The following NLN variants were observed in gnomAD, a reference collection of about 807,000 sequenced individuals.
The protein encoded by NLN is neurolysin, mitochondrial.
A neutral mutation model predicts 79.9 loss-of-function variants in NLN; 64 were observed. The observed-to-expected ratio is 0.80, with a 90% CI of 0.65 to 0.99. NLN has a LOEUF of 0.99. NLN is among the 50% of genes least tolerant of loss of function. The pLI is 0.00. For missense variants in NLN, 835 were observed against 858.7 expected (o/e 0.97, Z 0.34); for synonymous variants, 267 against 296.6 (o/e 0.90, Z 1.02).
intron 2 of NLN, among the ~76,000 whole-genome samples, chr5:65,761,576 G>A (rs963873326): frequency 1.3e-5 from 2 of 152,080 alleles, no homozygotes; most frequent in African/African-American, 2.4e-5. Context: ...ATGAGCTTGA[G>A]CCACCGTTTT....
intron 8 of NLN, among the ~76,000 whole-genome samples, chr5:65,789,072 A>C (rs956781010): frequency 1.3e-5 from 2 of 152,144 alleles, no homozygotes; most frequent in African/African-American, 4.8e-5. Flanking sequence ...GTTTAAGGTT[A>C]CAGTGAGCTA....
intron 1 of NLN, among the ~76,000 whole-genome samples, chr5:65,735,778 T>G (rs1758715164): frequency 6.6e-6 from 1 of 152,168 alleles, no homozygotes; most frequent in Non-Finnish European, 1.5e-5. Flanking sequence ...CCTGTGTAGC[T>G]CTCCCAGCTT....
intron 1 of NLN, among the ~76,000 whole-genome samples, chr5:65,750,940 G>C (rs1410757413): frequency 6.6e-6 from 1 of 152,052 alleles, no homozygotes; most frequent in South Asian, 2.1e-4. Flanking sequence ...TGTGAGGAGA[G>C]GGGTGATTTA....
intron 9 of NLN, among the ~76,000 whole-genome samples, chr5:65,794,249 G>A (rs1760124292): frequency 6.6e-6 from 1 of 152,166 alleles, no homozygotes; most frequent in African/African-American, 2.4e-5. Flanking sequence ...TCAAAAGAAA[G>A]TAATCTCACT....
At chr5:65,725,645 C>T (rs1758451925) in intron 1 of NLN, among the ~76,000 whole-genome samples, 1 of 152,150 alleles carries the variant, frequency 6.6e-6, no homozygotes, top group Non-Finnish European at 1.5e-5. Flanking sequence ...ATAGGATTTT[C>T]CAAAATTCTA....
chr5:65,787,160 G>A (rs1044187661), intron 7 of NLN, among the ~76,000 whole-genome samples: 8 of 152,242 alleles, frequency 5.3e-5, no homozygotes, highest in Admixed American at 3.3e-4. Context: ...GCTAAAGTGC[G>A]AGGATCCCTT....
intron 8 of NLN, among the ~76,000 whole-genome samples, chr5:65,792,107 T>C (rs779973710): frequency 4.6e-5 from 7 of 152,166 alleles, no homozygotes; most frequent in Non-Finnish European, 7.4e-5. Context: ...CAAATGTGGG[T>C]TTCAGCATTG....
chr5:65,765,756 A>G (rs1759438079), intron 3 of NLN, among the ~76,000 whole-genome samples: 2 of 151,900 alleles, frequency 1.3e-5, no homozygotes, highest in Admixed American at 1.3e-4. Context: ...ATTAAGCTGG[A>G]TAAATAGGAT....
intron 1 of NLN, among the ~76,000 whole-genome samples, chr5:65,748,029 C>T (rs1322537405): frequency 7.9e-5 from 12 of 152,024 alleles, no homozygotes; most frequent in Non-Finnish European, 1.3e-4. Context: ...GGTGAAACCC[C>T]GTCTCTACTA....
Position 65,780,188 on chromosome 5 carries a change from T to A in NLN, c.568T>A (p.Ser190Thr). 2 of 1,291,252 alleles carry A rather than the reference T, an allele frequency of 1.5e-6. No homozygotes were observed. The highest frequency in any genetic ancestry group is 1.1e-6 in the Non-Finnish European group (1 of 897,340). The allele number at this position is 1,291,252 out of a possible 1,614,324, so 80.0% of individuals were successfully genotyped here. Residue 190 changes from serine to threonine, a missense_variant, in exon 5 of 13, where the codon TCA becomes ACA. Physicochemically the swap from Ser to Thr is moderately conservative, Grantham distance 58 (BLOSUM62 1). Transcript: ENST00000380985. ...TTTATCTTCCTTTCAGGAAATCAAA[T>A]CAATGAAGAAAAGAATGAGTGAGCT... The part of the protein sequence containing the change: ...LPEQVQNEIK[S>T]MKKRMSELCI...
chr5:65,738,263 G>A (rs1758776544), intron 1 of NLN, among the ~76,000 whole-genome samples: 1 of 152,064 alleles, frequency 6.6e-6, no homozygotes, highest in African/African-American at 2.4e-5. Flanking sequence ...GGAAGATCAG[G>A]GAAAAGATAT....
Position 65,736,560 on chromosome 5 carries a change from A to G in NLN, c.41+14146A>G, listed in dbSNP as rs564531781. Among the ~76,000 whole-genome samples the G allele has an allele frequency of 5.9e-5, 9 of 152,286 alleles. No individual in the cohort carries two copies. In the East Asian group the frequency reaches 1.7e-3, roughly 29 times the overall value. On this transcript the variant is annotated intron_variant, in intron 1 of 12. Transcript: ENST00000380985. Reference sequence around the variant, plus strand: ...AGTATTCATGAGTAGCCATTGATCCACTGTCCTTAGCAGCTCTTGTTGTTG... The same window carrying G: ...AGTATTCATGAGTAGCCATTGATCCGCTGTCCTTAGCAGCTCTTGTTGTTG...
chr5:65,761,385 C>T (rs901650246), intron 2 of NLN, among the ~76,000 whole-genome samples: 2 of 151,986 alleles, frequency 1.3e-5, no homozygotes, highest in Non-Finnish European at 2.9e-5. Context: ...CTCCGCCTCC[C>T]GGGTTCAATC....
At chr5:65,724,959 G>T (rs1360955133) in intron 1 of NLN, among the ~76,000 whole-genome samples, 1 of 151,512 alleles carries the variant, frequency 6.6e-6, no homozygotes, top group Non-Finnish European at 1.5e-5. Flanking sequence ...CCGCAACCAC[G>T]CCCGGCTAAT....
chr5:65,815,764 C>T (rs1348611677), intron 12 of NLN, among the ~76,000 whole-genome samples: 9 of 151,746 alleles, frequency 5.9e-5, no homozygotes, highest in East Asian at 1.9e-4. Flanking sequence ...TTGTTGGTGG[C>T]GGCGGGGGAT....
At chr5:65,757,556 A>T (rs1759247188) in intron 1 of NLN, among the ~76,000 whole-genome samples, 1 of 152,142 alleles carries the variant, frequency 6.6e-6, no homozygotes, top group Non-Finnish European at 1.5e-5. Context: ...TAGCTACTAA[A>T]TATAACATTT....
intron 1 of NLN, among the ~76,000 whole-genome samples, chr5:65,735,049 C>T (rs1206698336): frequency 6.6e-6 from 1 of 152,180 alleles, no homozygotes; most frequent in African/African-American, 2.4e-5. Context: ...GCTGTGTCCC[C>T]ACCCAAATTG....
At chr5:65,806,707 T>C (rs1052501982) in intron 9 of NLN, among the ~76,000 whole-genome samples, 3 of 152,236 alleles carry the variant, frequency 2.0e-5, no homozygotes, top group Non-Finnish European at 4.4e-5. Context: ...GATTTTAGAA[T>C]ATTACATAAA....
At chr5:65,783,892 A>G (rs1759858436) in intron 6 of NLN, among the ~76,000 whole-genome samples, 1 of 152,172 alleles carries the variant, frequency 6.6e-6, no homozygotes, top group Non-Finnish European at 1.5e-5. Flanking sequence ...TATGTTTTCC[A>G]TTTTAGTTTT....
Sources: gnomAD v4.1 joint callset for allele counts (sites outside exome capture counted in the v4.1 genomes callset) on GRCh38, gnomAD v4.1.1 for gene constraint, MANE v1.5 for transcripts, NCBI Gene and HGNC (gene_info 2026-07-23, HGNC 2026-07-21) for gene names.